The following MDGA2 variants were observed in gnomAD, a reference collection of about 807,000 sequenced individuals.
MDGA2 encodes MAM domain containing glycosylphosphatidylinositol anchor 2.
A neutral mutation model predicts 117.8 loss-of-function variants in MDGA2; 40 were observed. The ratio of observed to expected loss-of-function variants is 0.34; its 90% CI spans 0.26 to 0.44. The LOEUF (loss-of-function observed/expected upper bound fraction) is 0.44. Among genes scored for constraint, MDGA2 ranks in the 20% least tolerant of loss-of-function variants. MDGA2 has a pLI of 1.00. For missense variants in MDGA2, 1,123 were observed against 1,250.6 expected, an observed-to-expected ratio of 0.90 and a Z score of 1.54; for synonymous variants, 452 against 439.0, an observed-to-expected ratio of 1.03 and a Z score of -0.37.
intron 1 of MDGA2, among the ~76,000 whole-genome samples, chr14:47,385,961 A>G (rs1304235111): frequency 6.6e-6 from 1 of 152,190 alleles, no homozygotes; most frequent in Admixed American, 6.5e-5. Context: ...TATCATATCC[A>G]TTAGAGTATT....
intron 1 of MDGA2, among the ~76,000 whole-genome samples, chr14:47,445,434 A>C (rs1394096874): frequency 6.6e-6 from 1 of 152,150 alleles, no homozygotes; most frequent in Non-Finnish European, 1.5e-5. Flanking sequence ...GTTTTCCCTC[A>C]TATATCCCCA....
intron 10 of MDGA2, among the ~76,000 whole-genome samples, chr14:46,896,752 C>A (rs749027497): frequency 4.6e-5 from 7 of 152,004 alleles, no homozygotes; most frequent in Admixed American, 6.6e-5. Flanking sequence ...GATTTTATGG[C>A]CAATGAAACA....
At chr14:46,967,541 T>G (rs1886084348) in intron 8 of MDGA2, among the ~76,000 whole-genome samples, 2 of 152,178 alleles carry the variant, frequency 1.3e-5, no homozygotes, top group South Asian at 4.1e-4. Context: ...TCTCTCTCCA[T>G]GAACACATAG....
intron 7 of MDGA2, among the ~76,000 whole-genome samples, chr14:47,055,330 T>G (rs563671763): frequency 2.6e-5 from 4 of 152,178 alleles, no homozygotes; most frequent in South Asian, 2.1e-4. Flanking sequence ...GATAAATACT[T>G]TGGTCATTCT....
At chr14:47,487,436 C>A (rs900821947) in intron 1 of MDGA2, among the ~76,000 whole-genome samples, 7 of 152,124 alleles carry the variant, frequency 4.6e-5, no homozygotes, top group African/African-American at 1.4e-4. Context: ...AAATTATAAA[C>A]CATAAGCAAC....
chr14:47,136,613 C>T (rs1486580034), intron 4 of MDGA2, among the ~76,000 whole-genome samples: 1 of 152,124 alleles, frequency 6.6e-6, no homozygotes, highest in African/African-American at 2.4e-5. Flanking sequence ...CTATTTATAT[C>T]AGTCACATTT....
chr14:47,452,247 C>T (rs1893257396), intron 1 of MDGA2, among the ~76,000 whole-genome samples: 1 of 151,998 alleles, frequency 6.6e-6, no homozygotes, highest in East Asian at 1.9e-4. Flanking sequence ...TCATAAGATT[C>T]CCCACATTTT....
intron 3 of MDGA2, among the ~76,000 whole-genome samples, chr14:47,216,907 C>T (rs1474866514): frequency 6.6e-6 from 1 of 151,824 alleles, no homozygotes; most frequent in Admixed American, 6.6e-5. Flanking sequence ...CTGAATTATG[C>T]TAAGGGATGA....
At chr14:47,423,158 G>C (rs1169210326) in intron 1 of MDGA2, among the ~76,000 whole-genome samples, 1 of 152,016 alleles carries the variant, frequency 6.6e-6, no homozygotes, top group Non-Finnish European at 1.5e-5. Flanking sequence ...TCTGTATAAT[G>C]ATATATTAAA....
intron 1 of MDGA2, among the ~76,000 whole-genome samples, chr14:47,603,950 C>T (rs1896693719): frequency 3.3e-5 from 5 of 152,140 alleles, no homozygotes; most frequent in Admixed American, 3.3e-4. Flanking sequence ...GTGCCTGCTC[C>T]CTCTTCACCT....
intron 6 of MDGA2, among the ~76,000 whole-genome samples, chr14:47,077,550 G>A (rs771292913): frequency 9.9e-5 from 15 of 151,840 alleles, no homozygotes; most frequent in African/African-American, 3.4e-4. Flanking sequence ...CTTAACCCAA[G>A]TTAGAAGCTG....
At chr14:47,035,813 A>T (rs1299662966) in intron 7 of MDGA2, among the ~76,000 whole-genome samples, 1 of 152,098 alleles carries the variant, frequency 6.6e-6, no homozygotes, top group East Asian at 1.9e-4. Context: ...AATCCATTCT[A>T]TTCTCCATTT....
intron 2 of MDGA2, among the ~76,000 whole-genome samples, chr14:47,269,790 T>G (rs1006610980): frequency 2.0e-5 from 3 of 152,186 alleles, no homozygotes; most frequent in African/African-American, 7.2e-5. Context: ...GCAAGTGATA[T>G]AGCATCATCT....
chr14:47,414,127 C>G (rs957267503), intron 1 of MDGA2, among the ~76,000 whole-genome samples: 2 of 152,120 alleles, frequency 1.3e-5, no homozygotes, highest in Non-Finnish European at 2.9e-5. Context: ...TAGTGAGATA[C>G]AGTGGAAAAA....
At chr14:47,046,747 A>G (rs991612663) in intron 7 of MDGA2, among the ~76,000 whole-genome samples, 4 of 152,144 alleles carry the variant, frequency 2.6e-5, no homozygotes, top group African/African-American at 9.6e-5. Flanking sequence ...CAAACTACTA[A>G]TAATAGGCAG....
intron 1 of MDGA2, among the ~76,000 whole-genome samples, chr14:47,477,275 AT>A (rs528967537): frequency 2.3e-4 from 35 of 152,142 alleles, no homozygotes; most frequent in South Asian, 1.5e-3. Flanking sequence ...CAATAAATAC[AT>A]TTTTTTTCAG....
At chr14:47,063,517 G>T (rs1360978783) in intron 6 of MDGA2, among the ~76,000 whole-genome samples, 1 of 151,822 alleles carries the variant, frequency 6.6e-6, no homozygotes, top group Non-Finnish European at 1.5e-5. Flanking sequence ...TATAATAATT[G>T]TGCTCATACA....
At chr14:46,920,312 T>A in intron 9 of MDGA2, 152 bp from the exon 10 acceptor site, 1 of 681,532 alleles carries the variant, frequency 1.5e-6, no homozygotes, top group Non-Finnish European at 2.2e-6. Context: ...AGAACAGATG[T>A]GAGATTTCCT....
chr14:47,671,574 C>A (rs1477239893), intron 1 of MDGA2, among the ~76,000 whole-genome samples: 1 of 152,248 alleles, frequency 6.6e-6, no homozygotes, highest in African/African-American at 2.4e-5. Context: ...TCCTCTTGAA[C>A]CATGATACTA....
Sources: allele counts gnomAD v4.1 joint callset (sites outside exome capture counted in the v4.1 genomes callset), GRCh38; gene constraint gnomAD v4.1.1; transcripts MANE v1.5; gene names NCBI Gene and HGNC (gene_info 2026-07-23, HGNC 2026-07-21).